Variants in TMEM30A observed in about 807,000 individuals in gnomAD.
TMEM30A encodes the protein cell division cycle 50 P4-ATPase accessory subunit A, also known as cell cycle control protein 50A.
A neutral mutation model predicts 38.2 loss-of-function variants in TMEM30A; 24 were observed. The ratio of observed to expected loss-of-function variants is 0.63; its 90% CI spans 0.46 to 0.88. The LOEUF (loss-of-function observed/expected upper bound fraction) is 0.88. TMEM30A is among the 40% of genes least tolerant of loss of function. The pLI, the probability that TMEM30A is intolerant of heterozygous loss-of-function variation, is 0.00. For synonymous variants in TMEM30A, 145 were observed against 161.6 expected (o/e 0.90, Z 0.78); for missense variants, 370 against 458.6 (o/e 0.81, Z 1.77).
chr6:75,271,533 T>G (rs1452939681), intron 1 of TMEM30A, among the ~76,000 whole-genome samples: 1 of 152,168 alleles, frequency 6.6e-6, no homozygotes, highest in African/African-American at 2.4e-5. Flanking sequence ...GTGTAAGGCA[T>G]GACATTAGAT....
intron 1 of TMEM30A, among the ~76,000 whole-genome samples, chr6:75,273,981 C>T (rs1772217657): frequency 6.6e-6 from 1 of 152,156 alleles, no homozygotes; most frequent in Non-Finnish European, 1.5e-5. Flanking sequence ...TGGAAAAATA[C>T]ATTGTTCATG....
chr6:75,267,667 T>G lies in TMEM30A; in HGVS notation c.319A>C (p.Asn107His), dbSNP rs1426369513. Residue 107 changes from asparagine to histidine, a missense_variant, in exon 2 of 7, where the codon AAC becomes CAC. Transcript: ENST00000230461. Reference sequence around the variant, plus strand: ...TCAAATGACTTTTCCAGTGTGAAGTTAATGGTACAAAAGCAAGGTGTCACA... The same window carrying G: ...TCAAATGACTTTTCCAGTGTGAAGTGAATGGTACAAAAGCAAGGTGTCACA... The part of the protein sequence containing the change: ...PDVTPCFCTI[N>H]FTLEKSFEGN... 2.5e-6 allele frequency: 4 copies of G among 1,611,782 alleles called. No individual in the cohort carries two copies. Among genetic ancestry groups the G allele is most frequent in the Non-Finnish European group, 3.4e-6 (4 of 1,178,892 alleles).
intron 6 of TMEM30A, among the ~76,000 whole-genome samples, 178 bp from the exon 7 acceptor site, chr6:75,256,473 G>T (rs1276098179): frequency 6.6e-6 from 1 of 151,922 alleles, no homozygotes; most frequent in African/African-American, 2.4e-5. Flanking sequence ...TTGAAAGACT[G>T]ATTTAGCAAA....
chr6:75,279,376 T>G (rs3777512), intron 1 of TMEM30A, among the ~76,000 whole-genome samples: 5,224 of 152,190 alleles, frequency 0.034, 198 homozygotes, highest in East Asian at 0.1. Flanking sequence ...CTTTATTTTT[T>G]GAATAAAGTT....
intron 1 of TMEM30A, among the ~76,000 whole-genome samples, chr6:75,275,914 G>T (rs1772252211): frequency 6.6e-6 from 1 of 152,150 alleles, no homozygotes; most frequent in South Asian, 2.1e-4. Flanking sequence ...ATAGCTTCAG[G>T]ATGGAAGCTG....
intron 3 of TMEM30A, 47 bp from the exon 4 acceptor site, chr6:75,260,958 T>G: frequency 3.0e-6 from 4 of 1,325,682 alleles, no homozygotes; most frequent in South Asian, 1.4e-5. Context: ...TCCAGGCCTT[T>G]GGGAGAACTA....
At position 75,254,539 on chromosome 6, in the gene TMEM30A, G is replaced by A. The variant is rs1428261621; in HGVS notation, c.*1563C>T. On this transcript the variant is annotated 3_prime_UTR_variant, in exon 7 of 7. Transcript: ENST00000230461. ...ACATTCTTTTAACTGAATTTCATAT[G>A]TTATATAAAACTTGAAAAGTGTGGC... 2 of 152,002 alleles carry A rather than the reference G, an allele frequency of 1.3e-5. No homozygotes were observed. The allele number at this position is 152,002 out of a possible 1,614,324, so 9.4% of individuals were successfully genotyped here. A position where few individuals can be genotyped will look rare whatever the true frequency, so the allele number is the denominator to read the frequency against.
intron 1 of TMEM30A, chr6:75,284,100 G>A (rs755315141): frequency 1.3e-5 from 4 of 300,710 alleles, no homozygotes; most frequent in African/African-American, 2.4e-5. Context: ...CACACAAACC[G>A]CCCACTGAAG....
intron 5 of TMEM30A, 81 bp downstream of exon 5, chr6:75,259,266 A>C (rs1771922113): frequency 1.4e-6 from 2 of 1,447,518 alleles, no homozygotes; most frequent in Non-Finnish European, 1.9e-6. Context: ...GCATAACTTT[A>C]AGATTCTGAA....
chr6:75,253,519 T>G lies in TMEM30A; in HGVS notation c.*2583A>C, dbSNP rs1771816760. 1 of 152,578 alleles carries G rather than the reference T, an allele frequency of 6.6e-6. No individual in the cohort carries two copies. The allele number at this position is 152,578 out of a possible 1,614,324, so 9.5% of individuals were successfully genotyped here. A position where few individuals can be genotyped will look rare whatever the true frequency, so the allele number is the denominator to read the frequency against. ...ATCCAGGCATGAAGAAGTTAAAACC[T>G]GGACTCACTGACGCTGTGTTAAAAT... On this transcript the variant is annotated 3_prime_UTR_variant, in exon 7 of 7. Transcript: ENST00000230461.
At position 75,276,956 on chromosome 6, in the gene TMEM30A, A is replaced by G. The variant is rs1291207817; in HGVS notation, c.237+7446T>C. The stretch of plus-strand genomic sequence containing the variant: ...TCTGCCTGGAACATTCTTCCCTCAC[A>G]TATCAATATGGTTCACTCTCTTCCC... On this transcript the variant is annotated intron_variant, in intron 1 of 6. Coordinates refer to ENST00000230461, the MANE Select transcript of TMEM30A (RefSeq NM_018247.4). 3.9e-5 allele frequency among the ~76,000 whole-genome samples: 6 copies of G among 152,134 alleles called. No homozygotes were observed. In the East Asian group the frequency reaches 1.2e-3, roughly 29 times the overall value.
intron 6 of TMEM30A, among the ~76,000 whole-genome samples, chr6:75,257,940 C>A (rs1771890643): frequency 1.3e-5 from 2 of 152,142 alleles, no homozygotes; most frequent in Non-Finnish European, 2.9e-5. Context: ...TTAAAAGATG[C>A]AAAGACTTTG....
intron 1 of TMEM30A, among the ~76,000 whole-genome samples, chr6:75,270,291 T>A (rs566376180): frequency 1.3e-5 from 2 of 152,316 alleles, no homozygotes; most frequent in East Asian, 3.9e-4. Flanking sequence ...AATTCTCTAT[T>A]GATATATGAT....
chr6:75,267,263 A>AT (rs1364158508), intron 2 of TMEM30A, among the ~76,000 whole-genome samples: 1 of 152,198 alleles, frequency 6.6e-6, no homozygotes, highest in Non-Finnish European at 1.5e-5. Context: ...AGAATTATTT[A>AT]TTTTCTAAAG....
Position 75,284,701 on chromosome 6 carries a change from C to G in TMEM30A, c.-63G>C, listed in dbSNP as rs1185515162. 1 of 1,562,748 alleles carries G rather than the reference C, an allele frequency of 6.4e-7. No individual in the cohort carries two copies. The highest frequency in any genetic ancestry group is 1.1e-5 in the South Asian group (1 of 90,276). ...CCACCCAGGGGGCCCGCCGGCTGACCCTGACAGGAACCGCTCGAGCGCCGC... is the reference window on the plus strand; with the variant it reads ...CCACCCAGGGGGCCCGCCGGCTGACGCTGACAGGAACCGCTCGAGCGCCGC... On this transcript the variant is annotated 5_prime_UTR_variant, in exon 1 of 7. Coordinates refer to ENST00000230461, the MANE Select transcript of TMEM30A (RefSeq NM_018247.4).
intron 1 of TMEM30A, among the ~76,000 whole-genome samples, chr6:75,268,493 A>C (rs173274): frequency 0.82 from 124,558 of 152,132 alleles, 52,570 homozygotes; most frequent in Non-Finnish European, 0.93. Context: ...CCCAATAGAA[A>C]CTCTAGACAC....
At chr6:75,274,965 C>T (rs934828197) in intron 1 of TMEM30A, among the ~76,000 whole-genome samples, 6 of 149,300 alleles carry the variant, frequency 4.0e-5, no homozygotes, top group African/African-American at 9.9e-5. Flanking sequence ...AAGCCAAGAT[C>T]GTGCCACTGC....
intron 3 of TMEM30A, 30 bp downstream of exon 3, chr6:75,265,201 T>C (rs951928764): frequency 4.6e-6 from 6 of 1,292,582 alleles, no homozygotes; most frequent in South Asian, 3.8e-5. Context: ...TTTACAGATA[T>C]CATATTTTCA....
intron 1 of TMEM30A, among the ~76,000 whole-genome samples, chr6:75,271,043 T>C (rs893998690): frequency 3.9e-5 from 6 of 152,156 alleles, no homozygotes; most frequent in Non-Finnish European, 7.4e-5. Context: ...TTTATGATGT[T>C]GGAGAGATGA....
Sources: allele counts gnomAD v4.1 joint callset (sites outside exome capture counted in the v4.1 genomes callset), GRCh38; gene constraint gnomAD v4.1.1; transcripts MANE v1.5; gene names NCBI Gene and HGNC (gene_info 2026-07-23, HGNC 2026-07-21).